The following DMXL1 variants were observed in gnomAD, a reference collection of about 807,000 sequenced individuals.
DMXL1 encodes the protein Dmx like 1.
Under a neutral mutation model 319.2 loss-of-function variants are expected in DMXL1, and 99 were observed. That is an observed-to-expected ratio of 0.31 (90% CI 0.26 to 0.37). DMXL1 has a LOEUF of 0.37. Among genes scored for constraint, DMXL1 ranks in the 10% least tolerant of loss-of-function variants. The probability of loss-of-function intolerance (pLI) is 1.00; values close to 1 mark genes in which losing one functional copy is unlikely to be tolerated. For missense variants in DMXL1, 3,745 were observed against 3,595.6 expected (o/e 1.04, Z -1.06); for synonymous variants, 1,385 against 1,235.2 (o/e 1.12, Z -2.54).
intron 26 of DMXL1, 29 bp from the exon 27 acceptor site, chr5:119,177,328 T>A: frequency 3.6e-6 from 5 of 1,390,400 alleles, no homozygotes; most frequent in Non-Finnish European, 4.8e-6. Context: ...AAATTTATCA[T>A]AGATTTAAAT....
chr5:119,101,086 C>T (rs866260184), intron 2 of DMXL1, among the ~76,000 whole-genome samples: 18 of 152,038 alleles, frequency 1.2e-4, no homozygotes, highest in African/African-American at 4.1e-4. Flanking sequence ...CGGCCTTACA[C>T]CTGTTTTCAT....
chr5:119,164,509 C>T lies in DMXL1; in HGVS notation c.4705C>T (p.Leu1569=), dbSNP rs1561768944. The T allele has an allele frequency of 1.2e-6, 2 of 1,611,986 alleles. No individual in the cohort carries two copies. Among genetic ancestry groups the T allele is most frequent in the African/African-American group, 1.3e-5 (1 of 74,852 alleles). ...CATCATTTTTTACATTTCTTCAGGC[C>T]TGTCTACAAGTCATTTTGCTTGGGC... The part of the protein sequence containing the change: ...AYRAQLLHQG[L]STSHFAWAFH... Residue 1569 remains leucine (L), a splice_region_variant and synonymous_variant, in exon 20 of 44, where the codon CTG becomes TTG. Coordinates refer to ENST00000539542, the MANE Select transcript of DMXL1 (RefSeq NM_001290321.3).
intron 27 of DMXL1, 105 bp downstream of exon 27, chr5:119,177,589 GT>G: frequency 1.1e-6 from 1 of 941,552 alleles, no homozygotes; most frequent in Non-Finnish European, 1.5e-6. Context: ...GTTAAATACT[GT>G]TAGAATTGAT....
chr5:119,208,985 G>A (rs1782263127), intron 34 of DMXL1, among the ~76,000 whole-genome samples: 1 of 152,134 alleles, frequency 6.6e-6, no homozygotes, highest in Admixed American at 6.5e-5. Context: ...TTTATAGTCT[G>A]TGTCCATTGA....
chr5:119,152,868 G>A (rs1268072683), intron 19 of DMXL1, among the ~76,000 whole-genome samples: 2 of 151,824 alleles, frequency 1.3e-5, no homozygotes, highest in Non-Finnish European at 2.9e-5. Context: ...TCTCTTGCTC[G>A]TACCTTATGT....
chr5:119,153,304 T>C (rs893945851), intron 19 of DMXL1, among the ~76,000 whole-genome samples: 1 of 152,168 alleles, frequency 6.6e-6, no homozygotes, highest in Admixed American at 6.6e-5. Context: ...TTTTAGATTG[T>C]AATTTAGCAC....
rs1768676190 is a variant in DMXL1 at position 119,146,934 on chromosome 5, A to G, written c.2667A>G (p.Leu889=). Residue 889 remains leucine, a synonymous_variant, in exon 16 of 44, where the codon CTA becomes CTG. Coordinates refer to ENST00000539542, the MANE Select transcript of DMXL1 (RefSeq NM_001290321.3). ...RSLLHMWNLH[L]KSIPVSLDEK... Reference sequence around the variant, plus strand: ...TGTTACACATGTGGAATTTACATCTAAAGTCAATTCCTGTCTCATTAGGTG... The same window carrying G: ...TGTTACACATGTGGAATTTACATCTGAAGTCAATTCCTGTCTCATTAGGTG... 1.9e-6 allele frequency: 3 copies of G among 1,612,410 alleles called. No individual in the cohort carries two copies. Among genetic ancestry groups the G allele is most frequent in the Non-Finnish European group, 2.5e-6 (3 of 1,178,996 alleles).
chr5:119,193,838 C>T lies in DMXL1; in HGVS notation c.7325C>T (p.Pro2442Leu). Residue 2442 changes from proline to leucine, a missense_variant, in exon 30 of 44, where the codon CCC becomes CTC. Physicochemically the swap from Pro to Leu is moderately conservative, Grantham distance 98. Coordinates refer to ENST00000539542, the MANE Select transcript of DMXL1 (RefSeq NM_001290321.3). ...WDYFIAKPFLPSSQSRAEYDS... is the reference protein window; with the variant it reads ...WDYFIAKPFLLSSQSRAEYDS... ...ATTTCTTTATTTTAGCCTTTTCTAC[C>T]CTCTTCTCAAAGTAGAGCCGAATAT... The T allele has an allele frequency of 1.9e-6, 3 of 1,611,716 alleles. No individual in the cohort carries two copies. Among genetic ancestry groups the T allele is most frequent in the Non-Finnish European group, 2.5e-6 (3 of 1,179,256 alleles).
At chr5:119,233,297 A>G (rs373227323) in intron 38 of DMXL1, 43 bp from the exon 39 acceptor site, 4 of 1,585,258 alleles carry the variant, frequency 2.5e-6, no homozygotes, top group Admixed American at 3.7e-5. Context: ...TTTCCCAAAG[A>G]TTCTTGAAAT....
intron 8 of DMXL1, among the ~76,000 whole-genome samples, chr5:119,119,730 C>T (rs1007684444): frequency 6.6e-6 from 1 of 151,878 alleles, no homozygotes; most frequent in Non-Finnish European, 1.5e-5. Flanking sequence ...GGGCTGGTCT[C>T]GAACTCTTGA....
Position 119,122,711 on chromosome 5 carries a change from C to T in DMXL1, c.1102+1572C>T, listed in dbSNP as rs374924158. Among the ~76,000 whole-genome samples the T allele has an allele frequency of 5.0e-4, 76 of 151,660 alleles. 3 individuals are homozygous for T. The highest frequency in any genetic ancestry group is 2.3e-3 in the East Asian group (12 of 5,132). On this transcript the variant is annotated intron_variant, in intron 9 of 43. Transcript: ENST00000539542. ...GCTCCTCACATCCCAGACGGGGCGG[C>T]GGGGCAGAGACGCTCCTCACTTCCT...
rs751592987 is a variant in DMXL1, at chr5:119,071,566, C to T, written c.-4C>T. 1.2e-6 allele frequency: 2 copies of T among 1,602,830 alleles called. No homozygotes were observed. The highest frequency in any genetic ancestry group is 4.5e-5 in the East Asian group (2 of 44,254). Reference sequence around the variant, plus strand: ...GGTGTCCGTTGCAGGACTAGGGCGCCGACATGAACCTGCACCAGGTGCTGA... The same window carrying T: ...GGTGTCCGTTGCAGGACTAGGGCGCTGACATGAACCTGCACCAGGTGCTGA... On this transcript the variant is annotated 5_prime_UTR_variant, in exon 1 of 44. Transcript: ENST00000539542.
chr5:119,210,913 T>A (rs1175693703), intron 34 of DMXL1, among the ~76,000 whole-genome samples: 3 of 151,766 alleles, frequency 2.0e-5, no homozygotes, highest in African/African-American at 4.8e-5. Flanking sequence ...AAGTTTGTTG[T>A]AGATGCCCTT....
intron 19 of DMXL1, among the ~76,000 whole-genome samples, chr5:119,159,839 G>T (rs955094557): frequency 2.6e-5 from 4 of 152,146 alleles, no homozygotes; most frequent in Non-Finnish European, 4.4e-5. Context: ...GGCCAGGCTG[G>T]TCTCGAACTC....
At chr5:119,142,716 G>A (rs192486012) in intron 13 of DMXL1, among the ~76,000 whole-genome samples, 1 of 152,040 alleles carries the variant, frequency 6.6e-6, no homozygotes, top group East Asian at 1.9e-4. Flanking sequence ...AAATCATTCT[G>A]TGGTAAGGGC....
chr5:119,155,424 G>A (rs965437879), intron 19 of DMXL1, among the ~76,000 whole-genome samples: 2 of 152,128 alleles, frequency 1.3e-5, no homozygotes, highest in Admixed American at 6.5e-5. Context: ...CTTCACAGAT[G>A]ACTTTGAGAG....
intron 32 of DMXL1, among the ~76,000 whole-genome samples, chr5:119,201,824 C>T (rs1260200676): frequency 1.3e-5 from 2 of 152,066 alleles, no homozygotes; most frequent in African/African-American, 2.4e-5. Flanking sequence ...GGAATTTATC[C>T]ATCTCTTGTA....
chr5:119,111,638 A>C (rs1038785621), intron 5 of DMXL1, among the ~76,000 whole-genome samples: 3 of 152,230 alleles, frequency 2.0e-5, no homozygotes, highest in African/African-American at 7.2e-5. Context: ...CGTATCAATA[A>C]AACATTTCTA....
chr5:119,175,938 A>G (rs886417253), intron 26 of DMXL1, among the ~76,000 whole-genome samples: 1 of 152,000 alleles, frequency 6.6e-6, no homozygotes, highest in African/African-American at 2.4e-5. Flanking sequence ...TTCTTCAAGT[A>G]TTGTCTCATC....
Sources: gnomAD v4.1 joint callset for allele counts (sites outside exome capture counted in the v4.1 genomes callset) on GRCh38, gnomAD v4.1.1 for gene constraint, MANE v1.5 for transcripts, NCBI Gene and HGNC (gene_info 2026-07-23, HGNC 2026-07-21) for gene names.